The following KIF1B variants were observed in gnomAD, a reference collection of about 807,000 sequenced individuals.
KIF1B encodes kinesin family member 1B.
Under a neutral mutation model 241.9 loss-of-function variants are expected in KIF1B, and 76 were observed. That is an observed-to-expected ratio of 0.31 (90% confidence interval 0.26 to 0.38). The LOEUF (loss-of-function observed/expected upper bound fraction) is 0.38, where lower values mean the gene tolerates loss of function less well. Among genes scored for constraint, KIF1B ranks in the 10% least tolerant of loss-of-function variants. The pLI is 1.00. For missense variants in KIF1B, 1,622 were observed against 2,271.4 expected (o/e 0.71, Z 5.81); for synonymous variants, 750 against 796.7 (o/e 0.94, Z 0.99).
rs774334040 is a variant in KIF1B at position 10,361,862 on chromosome 1, G to A, written c.4304+37G>A. 6 of 1,609,116 alleles carry A rather than the reference G, an allele frequency of 3.7e-6. No homozygotes were observed. In the Admixed American group the frequency reaches 8.3e-5, roughly 22 times the overall value. On this transcript the variant is annotated intron_variant, in intron 40 of 48. Transcript: ENST00000676179. ...ACACAAGTTAGCTTCCAGTGTGTTTGTTCAGTACAACAGAATCATTAGTCC... is the reference window on the plus strand; with the variant it reads ...ACACAAGTTAGCTTCCAGTGTGTTTATTCAGTACAACAGAATCATTAGTCC...
chr1:10,337,417 G>T lies in KIF1B; in HGVS notation c.3306G>T (p.Gly1102=). The change falls in exon 31 of 49, where the codon GGG becomes GGT. Residue 1102 remains glycine, a synonymous_variant. Coordinates refer to ENST00000676179, the MANE Select transcript of KIF1B (RefSeq NM_001365951.3). The surrounding 1 kb of genome is among the most constrained non-coding windows in gnomAD (Gnocchi z 4.0). ...TLLDGKMVME[G]FSEEIGNHLK... is the part of the protein sequence containing the mutation. Reference sequence around the variant, plus strand: ...TGGATGGTAAGATGGTAATGGAAGGGTTTTCTGAAGAGATTGGCAACCACC... The same window carrying T: ...TGGATGGTAAGATGGTAATGGAAGGTTTTTCTGAAGAGATTGGCAACCACC... 6.2e-7 allele frequency: 1 copy of T among 1,614,200 alleles called. No individual in the cohort carries two copies. Among genetic ancestry groups the T allele is most frequent in the Non-Finnish European group, 8.5e-7 (1 of 1,180,038 alleles).
At position 10,374,548 on chromosome 1, in the gene KIF1B, G is replaced by A; in HGVS notation, c.5096+83G>A. The A allele has an allele frequency of 6.9e-7, 1 of 1,455,564 alleles. No individual in the cohort carries two copies. Among genetic ancestry groups the A allele is most frequent in the Non-Finnish European group, 9.6e-7 (1 of 1,039,796 alleles). 90.2% of individuals were successfully genotyped at this position (1,455,564 alleles called of 1,614,324 possible). On this transcript the variant is annotated intron_variant, in intron 46 of 48. Transcript: ENST00000676179. This position sits in a 1 kb window ranked among gnomAD's most constrained non-coding sequence, Gnocchi z 4.3. ...TGACTGGCCAGCTCTTCCCTGTGAG[G>A]TCTGTACTGTAGTCTGATGCAATCT...
intron 22 of KIF1B, among the ~76,000 whole-genome samples, chr1:10,312,857 A>G (rs1465866632): frequency 2.6e-5 from 4 of 151,510 alleles, no homozygotes; most frequent in East Asian, 3.9e-4. Context: ...TCCTTTGTCA[A>G]TGGAACCCTT....
At chr1:10,246,170 C>G (rs1647208635) in intron 2 of KIF1B, among the ~76,000 whole-genome samples, 1 of 152,182 alleles carries the variant, frequency 6.6e-6, no homozygotes, top group African/African-American at 2.4e-5. Flanking sequence ...CTAAACATAA[C>G]TATTGTTTTT....
rs867068850 is a variant in KIF1B at position 10,379,526 on chromosome 1, G to T, written c.*2939G>T. Reference sequence around the variant, plus strand: ...TGAGGCTGTGAGAGATTTGTGGCAGGAACTGTTTATGAGGCTCTAGTTGTT... The same window carrying T: ...TGAGGCTGTGAGAGATTTGTGGCAGTAACTGTTTATGAGGCTCTAGTTGTT... On this transcript the variant is annotated 3_prime_UTR_variant, in exon 49 of 49. Coordinates refer to ENST00000676179, the MANE Select transcript of KIF1B (RefSeq NM_001365951.3). The T allele has an allele frequency of 2.2e-5, 5 of 231,898 alleles. No individual in the cohort carries two copies. Among genetic ancestry groups the T allele is most frequent in the Admixed American group, 5.6e-5 (1 of 17,760 alleles). 14.4% of individuals were successfully genotyped at this position (231,898 alleles called of 1,614,324 possible). A position where few individuals can be genotyped will look rare whatever the true frequency, so the allele number is the denominator to read the frequency against.
intron 1 of KIF1B, among the ~76,000 whole-genome samples, chr1:10,219,784 A>G (rs1331636167): frequency 6.6e-6 from 1 of 150,410 alleles, no homozygotes; most frequent in African/African-American, 2.4e-5. Context: ...AAGACTTACT[A>G]GGGCTGGGGA....
intron 1 of KIF1B, among the ~76,000 whole-genome samples, chr1:10,223,211 T>C (rs1345260077): frequency 2.0e-5 from 3 of 151,902 alleles, no homozygotes; most frequent in South Asian, 4.2e-4. Context: ...GAGATGGCTA[T>C]TGCACTTCAT....
chr1:10,263,348 G>A (rs546310410), intron 5 of KIF1B, among the ~76,000 whole-genome samples: 4 of 150,070 alleles, frequency 2.7e-5, no homozygotes, highest in African/African-American at 1.0e-4. Context: ...CTCTCTCACC[G>A]CCACCCCCCC....
At chr1:10,367,822 G>A (rs527405533) in intron 43 of KIF1B, among the ~76,000 whole-genome samples, 5 of 151,890 alleles carry the variant, frequency 3.3e-5, no homozygotes, top group African/African-American at 7.2e-5. Context: ...TCCACTTCCC[G>A]GGTTCAAGTG....
intron 22 of KIF1B, chr1:10,304,537 C>T: frequency 1.2e-6 from 2 of 1,613,962 alleles, no homozygotes; most frequent in Non-Finnish European, 1.7e-6. Context: ...CACTTCCTAT[C>T]AGAAGCAGAC....
chr1:10,236,783 T>A (rs1458758676), intron 2 of KIF1B, among the ~76,000 whole-genome samples: 2 of 152,206 alleles, frequency 1.3e-5, no homozygotes, highest in African/African-American at 2.4e-5. Context: ...AGTGAGAGAT[T>A]TTTAACATTT....
At chr1:10,269,333 T>C (rs1648651496) in intron 7 of KIF1B, among the ~76,000 whole-genome samples, 1 of 151,484 alleles carries the variant, frequency 6.6e-6, no homozygotes, top group Non-Finnish European at 1.5e-5. Context: ...GCCAGCATGG[T>C]GAAACCCAGT....
At chr1:10,304,523 C>A in intron 22 of KIF1B, 1 of 1,613,694 alleles carries the variant, frequency 6.2e-7, no homozygotes, top group Admixed American at 1.7e-5. Context: ...GAGGGCAATG[C>A]AGCCACTTCC....
At chr1:10,268,487 A>G (rs756547191) in intron 7 of KIF1B, among the ~76,000 whole-genome samples, 55 of 152,328 alleles carry the variant, frequency 3.6e-4, no homozygotes, top group Non-Finnish European at 5.9e-4. Flanking sequence ...GGTTAAGAAA[A>G]AAACAATCCA....
In KIF1B at chr1:10,319,585, AT is replaced by A. The variant is rs958856535; in HGVS notation, c.2116-450del. 3.9e-5 allele frequency among the ~76,000 whole-genome samples: 6 copies of A among 152,186 alleles called. No individual in the cohort carries two copies. In the East Asian group the frequency reaches 5.8e-4, roughly 15 times the overall value. On this transcript the variant is annotated intron_variant, in intron 22 of 48. Transcript: ENST00000676179. The stretch of plus-strand genomic sequence containing the variant: ...GGAAGCATCAAAGTCTACAATCTTA[AT>A]TTTTTTTCCTTCCAAAGAGTTAGAT...
intron 17 of KIF1B, among the ~76,000 whole-genome samples, chr1:10,293,759 C>T (rs1222731447): frequency 6.6e-6 from 1 of 152,086 alleles, no homozygotes; most frequent in East Asian, 1.9e-4. Context: ...ATAACTTGAA[C>T]AAATGTTGAG....
At position 10,303,768 on chromosome 1, in the gene KIF1B, C is replaced by T. The variant is rs780076285; in HGVS notation, c.2115+6522C>T. Reference sequence around the variant, plus strand: ...AAATGGAAAAAGTCTTGCCACTGATCGGATCTCAGGAACAGAAAAGCCCAG... The same window carrying T: ...AAATGGAAAAAGTCTTGCCACTGATTGGATCTCAGGAACAGAAAAGCCCAG... On this transcript the variant is annotated intron_variant, in intron 22 of 48. Coordinates refer to ENST00000676179, the MANE Select transcript of KIF1B (RefSeq NM_001365951.3). This position sits in a 1 kb window ranked among gnomAD's most constrained non-coding sequence, Gnocchi z 5.2. The T allele has an allele frequency of 2.1e-5, 34 of 1,613,998 alleles. No individual in the cohort carries two copies. The highest frequency in any genetic ancestry group is 7.7e-5 in the South Asian group (7 of 91,058).
chr1:10,291,234 T>A, intron 16 of KIF1B, 73 bp downstream of exon 16: 1 of 1,075,790 alleles, frequency 9.3e-7, no homozygotes, highest in South Asian at 1.4e-5. Context: ...TAAGAAAAGA[T>A]AAAATATAAA....
At chr1:10,240,062 A>G (rs1430532324) in intron 2 of KIF1B, among the ~76,000 whole-genome samples, 1 of 150,722 alleles carries the variant, frequency 6.6e-6, no homozygotes. Flanking sequence ...CACCATGCCT[A>G]GCTGCTAATT....
Sources: allele counts gnomAD v4.1 joint callset (sites outside exome capture counted in the v4.1 genomes callset), GRCh38; gene constraint gnomAD v4.1.1; non-coding constraint Gnocchi (gnomAD v3.1); transcripts MANE v1.5; gene names NCBI Gene and HGNC (gene_info 2026-07-23, HGNC 2026-07-21).